Variants in ZNF324B observed in about 807,000 individuals in gnomAD.
The protein encoded by ZNF324B is zinc finger protein 324B.
ZNF324B carries 7 observed loss-of-function variants against 10.6 expected under a neutral mutation model. The ratio of observed to expected loss-of-function variants is 0.66; its 90% CI spans 0.38 to 1.24. ZNF324B has a LOEUF of 1.24. Among genes scored for constraint, ZNF324B ranks in the 50% most tolerant of loss-of-function variants. The pLI, the probability that ZNF324B is intolerant of heterozygous loss-of-function variation, is 0.02. For synonymous variants in ZNF324B, 316 were observed against 321.0 expected, an observed-to-expected ratio of 0.98 and a Z score of 0.17; for missense variants, 640 against 764.7, an observed-to-expected ratio of 0.84 and a Z score of 1.92.
the ZNF324B span, among the ~76,000 whole-genome samples, chr19:58,446,573 C>CTCTCTTTTT: frequency 2.6e-3 from 267 of 102,504 alleles, 3 homozygotes; most frequent in South Asian, 6.1e-3. Context: ...ATTTCTTTCT[C>CTCTCTTTTT]TTTTTTTTTT....
intron 1 of ZNF324B, chr19:58,452,142 C>G (rs1193955678): frequency 1.9e-5 from 3 of 155,328 alleles, no homozygotes; most frequent in Non-Finnish European, 2.9e-5. Context: ...CTGGTGAGCT[C>G]CCGACTTCCG....
chr19:58,447,855 G>A (rs985956277), upstream of ZNF324B, among the ~76,000 whole-genome samples: 3 of 152,204 alleles, frequency 2.0e-5, no homozygotes, highest in South Asian at 4.1e-4. Context: ...TCCCCACACT[G>A]TTCTCGTGGT....
At chr19:58,441,637 G>C in the ZNF324B span, 1 of 152,218 alleles carries the variant, frequency 6.6e-6, no homozygotes, top group African/African-American at 2.4e-5. Context: ...GTGAGTGGAG[G>C]TGTCAAATGG....
At chr19:58,437,132 T>C in the ZNF324B span, 1 of 1,614,144 alleles carries the variant, frequency 6.2e-7, no homozygotes, top group Non-Finnish European at 8.5e-7. Flanking sequence ...CCCACTCCTC[T>C]TGGGAGAAGT....
At chr19:58,450,772 C>T (rs79196050), upstream of ZNF324B, among the ~76,000 whole-genome samples, 5,034 of 152,240 alleles carry the variant, frequency 0.033, 273 homozygotes, top group African/African-American at 0.11. Context: ...AAACAAGACC[C>T]TCACAGGGAA....
intron 3 of ZNF324B, chr19:58,454,981 G>C (rs1291414940): frequency 2.7e-6 from 2 of 754,692 alleles, no homozygotes; most frequent in East Asian, 5.4e-5. Flanking sequence ...GATCATGGGA[G>C]TCCCCACTGC....
the ZNF324B span, chr19:58,434,053 C>A: frequency 1.9e-6 from 3 of 1,614,182 alleles, no homozygotes; most frequent in Non-Finnish European, 2.5e-6. Context: ...GTCTCTTCCA[C>A]ATTCACTGCA....
chr19:58,452,346 AG>A (rs925944625), intron 1 of ZNF324B: 13 of 100,902 alleles, frequency 1.3e-4, no homozygotes, highest in African/African-American at 7.8e-4. Context: ...CGGGAGACAT[AG>A]AAGTTTTGAA....
chr19:58,448,735 T>A (rs570497112), upstream of ZNF324B, among the ~76,000 whole-genome samples: 257 of 151,714 alleles, frequency 1.7e-3, 2 homozygotes, highest in African/African-American at 5.9e-3. Flanking sequence ...TCAAAAAAAA[T>A]AAAAATAAAA....
chr19:58,422,100 T>G, the ZNF324B span, among the ~76,000 whole-genome samples: 1 of 152,132 alleles, frequency 6.6e-6, no homozygotes, highest in Non-Finnish European at 1.5e-5. Flanking sequence ...GTATTTTTAG[T>G]AGAGACAGGG....
rs755339157 is a variant in ZNF324B at position 58,454,211 on chromosome 19, C to G, written c.122-17C>G. ...GTCTTGACCTGGGGCTGGGCTCTCA[C>G]CTGCTCCTCCTCACAGGACTCTCTA... is the stretch of plus-strand genomic sequence containing the variant. On this transcript the variant is annotated splice_polypyrimidine_tract_variant and intron_variant, in intron 2 of 3. Coordinates refer to ENST00000336614, the MANE Select transcript of ZNF324B (RefSeq NM_207395.3). 9 of 1,585,938 alleles carry G rather than the reference C, an allele frequency of 5.7e-6. No individual in the cohort carries two copies. The highest frequency in any genetic ancestry group is 6.9e-6 in the Non-Finnish European group (8 of 1,154,632).
Position 58,457,365 on chromosome 19 carries a change from G to A in ZNF324B, c.*786G>A, listed in dbSNP as rs938093256. On this transcript the variant is annotated 3_prime_UTR_variant, in exon 4 of 4. Coordinates refer to ENST00000336614, the MANE Select transcript of ZNF324B (RefSeq NM_207395.3). ...TCCAGTGGCACTCGTTCAGGTTTTCGTCCAAGTCTCAGCTTGGCCAAGGCC... is the reference window on the plus strand; with the variant it reads ...TCCAGTGGCACTCGTTCAGGTTTTCATCCAAGTCTCAGCTTGGCCAAGGCC... 2.6e-5 allele frequency: 4 copies of A among 152,578 alleles called. No individual in the cohort carries two copies. The highest frequency in any genetic ancestry group is 1.3e-4 in the Admixed American group (2 of 15,280). The allele number at this position is 152,578 out of a possible 1,614,324, so 9.5% of individuals were successfully genotyped here.
chr19:58,446,042 G>T, the ZNF324B span, among the ~76,000 whole-genome samples: 1 of 152,210 alleles, frequency 6.6e-6, no homozygotes, highest in Non-Finnish European at 1.5e-5. Context: ...GGCTGAGGCA[G>T]GAGAATCACT....
chr19:58,446,174 G>A, the ZNF324B span, among the ~76,000 whole-genome samples: 3 of 152,134 alleles, frequency 2.0e-5, no homozygotes, highest in African/African-American at 7.2e-5. Flanking sequence ...CCCTACATGA[G>A]TAGCCTTCAG....
chr19:58,453,795 GAAAACT>G lies in ZNF324B; in HGVS notation c.95_100del (p.Glu32_Phe34delinsVal). 6.2e-7 allele frequency: 1 copy of G among 1,614,154 alleles called. No individual in the cohort carries two copies. Among genetic ancestry groups the G allele is most frequent in the South Asian group, 1.1e-5 (1 of 91,082 alleles). ...GGCCCTGTACCGCCACGTGATGCTGGAAAACTTCACACTTGTGACCTCACTTGGTAA... is the reference window on the plus strand; with the variant it reads ...GGCCCTGTACCGCCACGTGATGCTGGTCACACTTGTGACCTCACTTGGTAA... On this transcript the variant is annotated inframe_deletion, in exon 2 of 4. Coordinates refer to ENST00000336614, the MANE Select transcript of ZNF324B (RefSeq NM_207395.3).
the ZNF324B span, among the ~76,000 whole-genome samples, chr19:58,421,228 C>T: frequency 2.0e-5 from 3 of 152,038 alleles, no homozygotes; most frequent in Admixed American, 2.0e-4. Context: ...AGTAGAGTCC[C>T]ATCTGCCTCC....
the ZNF324B span, among the ~76,000 whole-genome samples, chr19:58,438,598 C>T: frequency 6.6e-6 from 1 of 151,560 alleles, no homozygotes; most frequent in African/African-American, 2.4e-5. Context: ...CTCAGCCTCC[C>T]GAGTAGCTGG....
chr19:58,454,527 G>A, intron 3 of ZNF324B, 183 bp downstream of exon 3: 1 of 596,576 alleles, frequency 1.7e-6, no homozygotes, highest in Non-Finnish European at 3.0e-6. Flanking sequence ...AGAGCTCCAA[G>A]GGCACAGGAG....
At chr19:58,440,745 C>A in the ZNF324B span, 1 of 152,252 alleles carries the variant, frequency 6.6e-6, no homozygotes, top group South Asian at 2.1e-4. Flanking sequence ...TTGCACCGCG[C>A]GGAGGTGTCC....
Sources: gnomAD v4.1 joint callset for allele counts (sites outside exome capture counted in the v4.1 genomes callset) on GRCh38, gnomAD v4.1.1 for gene constraint, MANE v1.5 for transcripts, NCBI Gene and HGNC (gene_info 2026-07-23, HGNC 2026-07-21) for gene names.